ROBO2: variants seen among roughly 807,000 people sequenced by gnomAD.
ROBO2 encodes the protein roundabout homolog 2.
Under a neutral mutation model 160.8 loss-of-function variants are expected in ROBO2, and 53 were observed. The ratio of observed to expected loss-of-function variants is 0.33; its 90% CI spans 0.26 to 0.41. The LOEUF (loss-of-function observed/expected upper bound fraction) is 0.41, where lower values mean the gene tolerates loss of function less well. ROBO2 is among the 10% of genes least tolerant of loss of function. ROBO2 has a pLI of 1.00. For missense variants in ROBO2, 1,577 were observed against 1,722.4 expected, an observed-to-expected ratio of 0.92 and a Z score of 1.49; for synonymous variants, 664 against 611.7, an observed-to-expected ratio of 1.09 and a Z score of -1.26.
intron 2 of ROBO2, among the ~76,000 whole-genome samples, chr3:77,439,049 CA>C (rs1380079622): frequency 6.6e-6 from 1 of 151,804 alleles, no homozygotes; most frequent in Non-Finnish European, 1.5e-5. Context: ...ACAAAAATTG[CA>C]AAATACAAAA....
Position 76,758,773 on chromosome 3 carries a change from A to G in ROBO2, c.110-339241A>G, listed in dbSNP as rs2061133766. Among the ~76,000 whole-genome samples, 3 of 151,788 alleles carry G rather than the reference A, an allele frequency of 2.0e-5. 1 individual carries two copies. The South Asian group carries it at 6.2e-4, about 31-fold the overall frequency. Reference sequence around the variant, plus strand: ...CAGACATTATTGTCCATTGGTGTTTATTTTCAATGTTAAAGAAATAAAGAT... The same window carrying G: ...CAGACATTATTGTCCATTGGTGTTTGTTTTCAATGTTAAAGAAATAAAGAT... On this transcript the variant is annotated intron_variant, in intron 2 of 26. Transcript: ENST00000487694.
rs113713185 is a variant in ROBO2, at chr3:76,055,835, C to T, written c.109+118233C>T. 2.8e-3 allele frequency among the ~76,000 whole-genome samples: 428 copies of T among 152,052 alleles called. 1 individual carries two copies. Among genetic ancestry groups the T allele is most frequent in the Non-Finnish European group, 4.6e-3 (312 of 67,972 alleles). On this transcript the variant is annotated intron_variant, in intron 2 of 26. Transcript: ENST00000487694. Reference sequence around the variant, plus strand: ...GTGCAGTGGCGCGATCTCGGCTCACCGCAACCTCTGCCTCCTGGGTTCAAG... The same window carrying T: ...GTGCAGTGGCGCGATCTCGGCTCACTGCAACCTCTGCCTCCTGGGTTCAAG...
chr3:77,414,289 AGCAATTTTCCT>A (rs1466584050), intron 2 of ROBO2, among the ~76,000 whole-genome samples: 1 of 152,212 alleles, frequency 6.6e-6, no homozygotes, highest in Admixed American at 6.5e-5. Context: ...CCTTTATAAA[AGCAATTTTCCT>A]GGAGTGGTAC....
At chr3:76,738,981 C>T (rs900055394) in intron 2 of ROBO2, among the ~76,000 whole-genome samples, 20 of 151,980 alleles carry the variant, frequency 1.3e-4, no homozygotes, top group African/African-American at 3.9e-4. Flanking sequence ...GTGATTCAGA[C>T]GTTAAGTGGT....
chr3:77,610,685 T>A (rs995877954), intron 21 of ROBO2, among the ~76,000 whole-genome samples: 1 of 147,678 alleles, frequency 6.8e-6, no homozygotes, highest in Non-Finnish European at 1.5e-5. Flanking sequence ...ATAACAAAAT[T>A]TTACTATTGT....
intron 2 of ROBO2, among the ~76,000 whole-genome samples, chr3:76,682,452 A>T (rs894598652): frequency 4.6e-5 from 7 of 151,958 alleles, no homozygotes; most frequent in African/African-American, 1.7e-4. Context: ...TCTGTTGACC[A>T]GGCTGGAGTG....
intron 24 of ROBO2, 34 bp downstream of exon 26, chr3:77,642,977 T>A: frequency 2.2e-6 from 1 of 450,308 alleles, no homozygotes; most frequent in Non-Finnish European, 4.5e-6. Context: ...AAGTGTGGAC[T>A]GTTACCATTT....
At chr3:77,285,521 C>T (rs1025464572) in intron 2 of ROBO2, among the ~76,000 whole-genome samples, 1 of 152,138 alleles carries the variant, frequency 6.6e-6, no homozygotes, top group Non-Finnish European at 1.5e-5. Context: ...GCCTTGTCTC[C>T]TATACCACCT....
chr3:77,235,073 C>G (rs968285704), intron 2 of ROBO2, among the ~76,000 whole-genome samples: 1 of 152,104 alleles, frequency 6.6e-6, no homozygotes, highest in Admixed American at 6.6e-5. Flanking sequence ...ATGAAAGGTG[C>G]TTTCTTTATA....
chr3:76,571,847 T>A (rs1239019529), intron 2 of ROBO2, among the ~76,000 whole-genome samples: 1 of 152,128 alleles, frequency 6.6e-6, no homozygotes, highest in Non-Finnish European at 1.5e-5. Context: ...TAAAATGTAC[T>A]GAAATGAAAA....
At chr3:76,114,221 G>A (rs1055125810) in intron 2 of ROBO2, among the ~76,000 whole-genome samples, 1 of 152,092 alleles carries the variant, frequency 6.6e-6, no homozygotes, top group Admixed American at 6.6e-5. Flanking sequence ...AACTTTGGGA[G>A]ACACATTCAA....
intron 2 of ROBO2, among the ~76,000 whole-genome samples, chr3:76,185,195 G>GATATATATATATATATATATATATAC (rs1219580267): frequency 4.5e-5 from 2 of 44,496 alleles, no homozygotes; most frequent in African/African-American, 1.1e-4. Context: ...AGTAAACACA[G>GATATATATATATATATATATATATAC]ATATATATAT....
chr3:77,225,348 T>C (rs1401370802), intron 2 of ROBO2, among the ~76,000 whole-genome samples: 5 of 151,936 alleles, frequency 3.3e-5, no homozygotes, highest in Non-Finnish European at 7.4e-5. Context: ...TTACTTTTAT[T>C]AATAGATTCT....
rs746241200 is a variant in ROBO2, at chr3:77,580,126, T to C, written c.2500+8T>C. On this transcript the variant is annotated splice_region_variant and intron_variant, in intron 16 of 25. Transcript: ENST00000461745. ...CACAGCCAATAATAATCGGTGAGTATCAAACTATGTGGTCTGTGCTTTAGA... is the reference window on the plus strand; with the variant it reads ...CACAGCCAATAATAATCGGTGAGTACCAAACTATGTGGTCTGTGCTTTAGA... 2.5e-6 allele frequency: 4 copies of C among 1,613,336 alleles called. No homozygotes were observed. The highest frequency in any genetic ancestry group is 3.4e-6 in the Non-Finnish European group (4 of 1,179,494).
chr3:77,649,248 A>G (rs1222014326), exon 26 of ROBO2: 1 of 152,222 alleles, frequency 6.6e-6, no homozygotes, highest in Non-Finnish European at 1.5e-5. Context: ...GTTGAGTACA[A>G]AACAGATTTA....
At chr3:76,562,655 T>G (rs1415830868) in intron 2 of ROBO2, among the ~76,000 whole-genome samples, 1 of 152,214 alleles carries the variant, frequency 6.6e-6, no homozygotes, top group Non-Finnish European at 1.5e-5. Context: ...ATTTCTTTTG[T>G]CTTGCAGACT....
intron 2 of ROBO2, among the ~76,000 whole-genome samples, chr3:77,396,298 C>T (rs2075279318): frequency 6.6e-6 from 1 of 152,040 alleles, no homozygotes; most frequent in Non-Finnish European, 1.5e-5. Context: ...AATTTCAAAA[C>T]TAGGCAGTCT....
At position 76,408,821 on chromosome 3, in the gene ROBO2, A is replaced by G. The variant is rs912431963; in HGVS notation, c.109+471219A>G. ...TTTTAAATTTTGTAGGTATCTGAAT[A>G]TATCAAAATGTTGATAATTTGGAGT... On this transcript the variant is annotated intron_variant, in intron 2 of 26. Coordinates refer to the ROBO2 transcript ENST00000487694. Among the ~76,000 whole-genome samples, 7 of 152,066 alleles carry G rather than the reference A, an allele frequency of 4.6e-5. No individual in the cohort carries two copies. In the East Asian group the frequency reaches 7.7e-4, roughly 17 times the overall value.
At chr3:77,641,460 G>C (rs763503241) in intron 24 of ROBO2, among the ~76,000 whole-genome samples, 1 of 152,118 alleles carries the variant, frequency 6.6e-6, no homozygotes, top group Non-Finnish European at 1.5e-5. Context: ...TTGTCTACAA[G>C]AAATTTATAC....
Sources: gnomAD v4.1 joint callset for allele counts (sites outside exome capture counted in the v4.1 genomes callset) on GRCh38, gnomAD v4.1.1 for gene constraint, MANE v1.5 for transcripts, NCBI Gene and HGNC (gene_info 2026-07-23, HGNC 2026-07-21) for gene names.